EYA2: variants seen among roughly 807,000 people sequenced by gnomAD.
The protein encoded by EYA2 is EYA transcriptional coactivator and phosphatase 2.
EYA2 carries 31 observed loss-of-function variants against 69.2 expected under a neutral mutation model. The ratio of observed to expected loss-of-function variants is 0.45; its 90% CI spans 0.34 to 0.60. EYA2 has a LOEUF of 0.60. EYA2 is among the 20% of genes least tolerant of loss of function. The pLI, the probability that EYA2 is intolerant of heterozygous loss-of-function variation, is 0.02. For missense variants in EYA2, 622 were observed against 701.2 expected (o/e 0.89, Z 1.28); for synonymous variants, 257 against 279.4 (o/e 0.92, Z 0.80).
intron 9 of EYA2, among the ~76,000 whole-genome samples, chr20:47,101,920 C>T (rs1228645133): frequency 6.6e-6 from 1 of 152,242 alleles, no homozygotes; most frequent in Non-Finnish European, 1.5e-5. Flanking sequence ...TCTCTCTGTA[C>T]TTCCCCAGCA....
At chr20:46,944,965 G>A (rs781174467) in intron 1 of EYA2, among the ~76,000 whole-genome samples, 7 of 152,064 alleles carry the variant, frequency 4.6e-5, no homozygotes, top group East Asian at 3.9e-4. Context: ...TTAGCCAGGC[G>A]CGGTGGTGCC....
intron 9 of EYA2, among the ~76,000 whole-genome samples, chr20:47,142,808 G>C (rs1295881913): frequency 6.6e-6 from 1 of 152,210 alleles, no homozygotes; most frequent in African/African-American, 2.4e-5. Flanking sequence ...TGCAATCCCA[G>C]GGTCATTTTC....
intron 1 of EYA2, among the ~76,000 whole-genome samples, chr20:46,989,783 C>T (rs539087471): frequency 6.6e-6 from 1 of 152,300 alleles, no homozygotes; most frequent in African/African-American, 2.4e-5. Flanking sequence ...ATGTTTTAAT[C>T]AACTGGGTGT....
chr20:46,944,310 C>G (rs541127193), intron 1 of EYA2, among the ~76,000 whole-genome samples: 24 of 152,320 alleles, frequency 1.6e-4, no homozygotes, highest in African/African-American at 5.8e-4. Context: ...ACTCAAAAGT[C>G]CCTTCCAGTG....
intron 7 of EYA2, among the ~76,000 whole-genome samples, chr20:47,086,830 C>G (rs778638918): frequency 2.0e-5 from 3 of 151,554 alleles, no homozygotes; most frequent in Non-Finnish European, 4.4e-5. Flanking sequence ...TTTGGCACCC[C>G]TGCGAAATTG....
intron 5 of EYA2, among the ~76,000 whole-genome samples, chr20:47,035,989 T>G (rs1984686781): frequency 6.6e-6 from 1 of 152,084 alleles, no homozygotes; most frequent in Non-Finnish European, 1.5e-5. Context: ...CCAGCCTGGG[T>G]GACAGAGTAA....
At chr20:47,083,364 G>A (rs2031786304) in intron 7 of EYA2, among the ~76,000 whole-genome samples, 2 of 152,202 alleles carry the variant, frequency 1.3e-5, no homozygotes, top group South Asian at 4.2e-4. Flanking sequence ...ATCACCTGAG[G>A]TCAGGAGTTC....
At chr20:47,088,587 A>G (rs1284301055) in intron 7 of EYA2, among the ~76,000 whole-genome samples, 2 of 152,002 alleles carry the variant, frequency 1.3e-5, no homozygotes, top group Non-Finnish European at 2.9e-5. Context: ...TTGATTGAAT[A>G]CTTGATTGGT....
chr20:46,982,459 C>G (rs546829654), intron 1 of EYA2, among the ~76,000 whole-genome samples: 2 of 152,306 alleles, frequency 1.3e-5, no homozygotes, highest in East Asian at 3.8e-4. Context: ...ATTCACAGAA[C>G]TTCTTGATTC....
chr20:47,177,865 C>A (rs2034453656), intron 12 of EYA2, among the ~76,000 whole-genome samples: 1 of 152,230 alleles, frequency 6.6e-6, no homozygotes, highest in South Asian at 2.1e-4. Context: ...GAGTGAATAG[C>A]CTAATGGCCA....
At chr20:47,123,392 T>G (rs1450215965) in intron 9 of EYA2, among the ~76,000 whole-genome samples, 1 of 152,158 alleles carries the variant, frequency 6.6e-6, no homozygotes, top group Non-Finnish European at 1.5e-5. Context: ...TATAACCAGG[T>G]CCACGCACGT....
intron 1 of EYA2, among the ~76,000 whole-genome samples, chr20:46,965,577 CT>C (rs1344518346): frequency 6.6e-6 from 1 of 152,260 alleles, no homozygotes; most frequent in African/African-American, 2.4e-5. Flanking sequence ...GCTCCTGAGT[CT>C]GACCTAAGCG....
intron 1 of EYA2, among the ~76,000 whole-genome samples, chr20:46,986,321 A>AAT (rs1341875895): frequency 6.8e-6 from 1 of 146,960 alleles, no homozygotes; most frequent in Non-Finnish European, 1.5e-5. Flanking sequence ...TATTATATAT[A>AAT]ATATCTCTAT....
intron 1 of EYA2, among the ~76,000 whole-genome samples, chr20:46,969,320 C>T (rs1238290863): frequency 6.6e-6 from 1 of 152,102 alleles, no homozygotes; most frequent in Non-Finnish European, 1.5e-5. Flanking sequence ...TGGGCTCAAG[C>T]CATCCTCCTG....
intron 4 of EYA2, 23 bp from the exon 5 acceptor site, chr20:47,016,158 T>A: frequency 6.3e-7 from 1 of 1,577,972 alleles, no homozygotes; most frequent in South Asian, 1.1e-5. Context: ...TTGGTCCTTT[T>A]TTTTCCCCCT....
At chr20:47,163,504 G>A (rs1018232652) in intron 10 of EYA2, among the ~76,000 whole-genome samples, 1 of 151,902 alleles carries the variant, frequency 6.6e-6, no homozygotes, top group African/African-American at 2.4e-5. Flanking sequence ...TTCAAGACCG[G>A]CCTGACCAAG....
At chr20:47,079,693 A>G (rs1200662559) in intron 7 of EYA2, among the ~76,000 whole-genome samples, 1 of 152,254 alleles carries the variant, frequency 6.6e-6, no homozygotes, top group Non-Finnish European at 1.5e-5. Flanking sequence ...GGTTAAATCA[A>G]TCATGGTGCA....
At position 47,169,176 on chromosome 20, in the gene EYA2, A is replaced by G; in HGVS notation, c.1016A>G (p.Asp339Gly). The change falls in exon 11 of 16, where the codon GAT becomes GGT. Residue 339 changes from aspartate (D) to glycine (G), a missense_variant. Transcript: ENST00000327619. The stretch of plus-strand genomic sequence containing the variant: ...ATCCACGTTGATGACGTCTCATCAG[A>G]TGACAATGGCCAAGATTTAAGGTGG... The part of the protein sequence containing the change: ...DQIHVDDVSS[D>G]DNGQDLSTYN... 1 of 1,614,102 alleles carries G rather than the reference A, an allele frequency of 6.2e-7. No individual in the cohort carries two copies. The highest frequency in any genetic ancestry group is 1.1e-5 in the South Asian group (1 of 91,080).
At chr20:47,130,261 C>CTTTTTTTTTTTTTTTTTTTTTTTTT in intron 9 of EYA2, among the ~76,000 whole-genome samples, 1 of 81,260 alleles carries the variant, frequency 1.2e-5, no homozygotes, top group Non-Finnish European at 2.2e-5. Flanking sequence ...GGTTTATTTT[C>CTTTTTTTTTTTTTTTTTTTTTTTTT]TTTTTTTTTT....
Sources: gnomAD v4.1 joint callset for allele counts (sites outside exome capture counted in the v4.1 genomes callset) on GRCh38, gnomAD v4.1.1 for gene constraint, MANE v1.5 for transcripts, NCBI Gene and HGNC (gene_info 2026-07-23, HGNC 2026-07-21) for gene names.